ACSS2: variants seen among roughly 807,000 people sequenced by gnomAD.
ACSS2 encodes acyl-CoA synthetase short chain family member 2.
ACSS2 carries 58 observed loss-of-function variants against 90.6 expected under a neutral mutation model. The observed-to-expected ratio is 0.64, with a 90% CI of 0.52 to 0.80. The LOEUF is 0.80. Among genes scored for constraint, ACSS2 ranks in the 30% least tolerant of loss-of-function variants. The probability of loss-of-function intolerance (pLI) is 0.00; values close to 1 mark genes in which losing one functional copy is unlikely to be tolerated. For synonymous variants in ACSS2, 300 were observed against 330.9 expected (o/e 0.91, Z 1.01); for missense variants, 759 against 912.0 (o/e 0.83, Z 2.16).
intron 7 of ACSS2, chr20:34,915,218 G>A (rs772002101): frequency 1.2e-6 from 2 of 1,613,854 alleles, no homozygotes; most frequent in Non-Finnish European, 1.7e-6. Context: ...CTCTTAACAG[G>A]GTAAACTGAA....
At chr20:34,923,507 GTGTGTTGC>G (rs1385144555) in intron 14 of ACSS2, 76 bp downstream of exon 14, 51 of 1,061,892 alleles carry the variant, frequency 4.8e-5, no homozygotes, top group Admixed American at 1.1e-4. Context: ...GGAAGAGTTG[GTGTGTTGC>G]TATAAAATAA....
chr20:34,885,072 C>T (rs1336635596), intron 2 of ACSS2, among the ~76,000 whole-genome samples: 2 of 151,822 alleles, frequency 1.3e-5, no homozygotes, highest in African/African-American at 2.4e-5. Flanking sequence ...TGGTGGTGCA[C>T]GCCTGTAGTC....
chr20:34,918,956 C>T (rs1364814277), intron 7 of ACSS2, among the ~76,000 whole-genome samples: 1 of 152,160 alleles, frequency 6.6e-6, no homozygotes, highest in Non-Finnish European at 1.5e-5. Context: ...AGACATTTCA[C>T]CTCCTTCATA....
intron 2 of ACSS2, among the ~76,000 whole-genome samples, chr20:34,908,243 A>C (rs1440429563): frequency 6.6e-6 from 1 of 152,160 alleles, no homozygotes; most frequent in African/African-American, 2.4e-5. Flanking sequence ...TGCCAAGGGA[A>C]ACCAGGGATC....
chr20:34,876,710 C>A lies in ACSS2; in HGVS notation c.65C>A (p.Ala22Asp). The A allele has an allele frequency of 6.9e-7, 1 of 1,443,096 alleles. No individual in the cohort carries two copies. The highest frequency in any genetic ancestry group is 9.2e-7 in the Non-Finnish European group (1 of 1,090,152). The allele number at this position is 1,443,096 out of a possible 1,614,324, so 89.4% of individuals were successfully genotyped here. A position where few individuals can be genotyped will look rare whatever the true frequency, so the allele number is the denominator to read the frequency against. The change falls in exon 1 of 18, where the codon GCC becomes GAC. Residue 22 changes from alanine (A) to aspartate (D), a missense_variant. Physicochemically the swap from Ala to Asp is moderately radical, Grantham distance 126. Transcript: ENST00000360596. ...AGCCGGGGCCAGGAGGAAGCTGGAGCCGGAGGCCGGGCGCGGAGTTGGTCT... is the reference window on the plus strand; with the variant it reads ...AGCCGGGGCCAGGAGGAAGCTGGAGACGGAGGCCGGGCGCGGAGTTGGTCT... ...SGSRGQEEAG[A>D]GGRARSWSPP...
chr20:34,926,760 C>A, intron 16 of ACSS2, 117 bp from the exon 17 acceptor site: 1 of 946,584 alleles, frequency 1.1e-6, no homozygotes, highest in Non-Finnish European at 1.7e-6. Context: ...CTGAGGCTGT[C>A]TCTGTGGGCA....
chr20:34,901,092 G>T (rs1185038067), intron 2 of ACSS2, among the ~76,000 whole-genome samples: 1 of 152,090 alleles, frequency 6.6e-6, no homozygotes, highest in African/African-American at 2.4e-5. Flanking sequence ...GCTATATGTG[G>T]CTAGTGACTA....
At chr20:34,926,315 C>T in intron 16 of ACSS2, 34 bp downstream of exon 16, 1 of 1,604,106 alleles carries the variant, frequency 6.2e-7, no homozygotes, top group South Asian at 1.1e-5. Context: ...ACTATAGGGT[C>T]TGTCTTGGAG....
intron 1 of ACSS2, among the ~76,000 whole-genome samples, chr20:34,878,521 A>G (rs919453548): frequency 3.3e-5 from 5 of 152,252 alleles, no homozygotes; most frequent in African/African-American, 1.2e-4. Context: ...AATAAATAGT[A>G]GTTAGTCTGA....
chr20:34,923,766 G>GC (rs1600362503), intron 14 of ACSS2, among the ~76,000 whole-genome samples: 1 of 151,938 alleles, frequency 6.6e-6, no homozygotes, highest in African/African-American at 2.4e-5. Flanking sequence ...TAGAGTTACT[G>GC]CAAGTACAGC....
At position 34,920,725 on chromosome 20, in the gene ACSS2, C is replaced by T. The variant is rs1344382130; in HGVS notation, c.1143+16C>T. On this transcript the variant is annotated intron_variant, in intron 9 of 17. Coordinates refer to ENST00000360596, the MANE Select transcript of ACSS2 (RefSeq NM_018677.4). ...CAGTGTTTTGGTGAGAAGGGAGCCA[C>T]CTGGCCTAGCTGGGGGATGGACAAG... 6 of 1,601,854 alleles carry T rather than the reference C, an allele frequency of 3.7e-6. No individual in the cohort carries two copies. Among genetic ancestry groups the T allele is most frequent in the Non-Finnish European group, 5.1e-6 (6 of 1,173,062 alleles).
At position 34,891,331 on chromosome 20, in the gene ACSS2, C is replaced by T. The variant is rs138278610; in HGVS notation, c.374+8342C>T. 1.2e-4 allele frequency among the ~76,000 whole-genome samples: 18 copies of T among 152,294 alleles called. No homozygotes were observed. In the East Asian group the frequency reaches 2.9e-3, roughly 25 times the overall value. ...TACAGATACTCTGCAAGGTCCCTTT[C>T]ATCTCTAATCTTCCAGAATTCTATG... On this transcript the variant is annotated intron_variant, in intron 2 of 17. Transcript: ENST00000360596.
chr20:34,889,373 C>T (rs1395954084), intron 2 of ACSS2, among the ~76,000 whole-genome samples: 5 of 119,592 alleles, frequency 4.2e-5, no homozygotes, highest in African/African-American at 8.5e-5. Context: ...CCACTCTCCT[C>T]GGCCTCCCAA....
chr20:34,916,150 A>T (rs143078264), intron 7 of ACSS2, among the ~76,000 whole-genome samples: 1 of 152,264 alleles, frequency 6.6e-6, no homozygotes, highest in African/African-American at 2.4e-5. Flanking sequence ...GACAGATCTG[A>T]TTCCTAGGGC....
rs780140788 is a variant in ACSS2, at chr20:34,914,408, C to G, written c.805C>G (p.Pro269Ala). ...GGGTGACTCCACCAGCCAGTCCCCC[C>G]CAATTAAGAGGTCATGCCCAGATGT... ...GMGDSTSQSP[P>A]IKRSCPDVQI... The change falls in exon 7 of 18, where the codon CCA becomes GCA. Residue 269 changes from proline (P) to alanine (A), a missense_variant. Pro to Ala is a conservative substitution (Grantham distance 27, BLOSUM62 -1). Transcript: ENST00000360596. 2 of 1,613,770 alleles carry G rather than the reference C, an allele frequency of 1.2e-6. No homozygotes were observed. Among genetic ancestry groups the G allele is most frequent in the African/African-American group, 1.3e-5 (1 of 74,924 alleles).
In ACSS2 at chr20:34,894,296, C is replaced by T. The variant is rs577681705; in HGVS notation, c.374+11307C>T. Among the ~76,000 whole-genome samples, 24 of 152,034 alleles carry T rather than the reference C, an allele frequency of 1.6e-4. No homozygotes were observed. In the East Asian group the frequency reaches 4.6e-3, roughly 29 times the overall value. ...CTGAACTCAGGAGTTTGAGATCAGC[C>T]TGGGCAACACAGGTAGACCCCATCT... On this transcript the variant is annotated intron_variant, in intron 2 of 17. Transcript: ENST00000360596.
chr20:34,891,982 G>A (rs138044054), intron 2 of ACSS2, among the ~76,000 whole-genome samples: 1 of 152,304 alleles, frequency 6.6e-6, no homozygotes, highest in East Asian at 1.9e-4. Context: ...ATACTGGCAT[G>A]TTCAGTAAAC....
intron 2 of ACSS2, among the ~76,000 whole-genome samples, chr20:34,890,953 A>G (rs888726159): frequency 1.3e-5 from 2 of 151,596 alleles, no homozygotes; most frequent in African/African-American, 2.4e-5. Flanking sequence ...AGGCCAAAAA[A>G]AAAAAAAAAA....
intron 8 of ACSS2, among the ~76,000 whole-genome samples, chr20:34,920,079 G>T (rs750065187): frequency 1.3e-5 from 2 of 152,200 alleles, no homozygotes; most frequent in Non-Finnish European, 2.9e-5. Flanking sequence ...ATCTCCATAT[G>T]CTTTGGAATA....
Sources: gnomAD v4.1 joint callset for allele counts (sites outside exome capture counted in the v4.1 genomes callset) on GRCh38, gnomAD v4.1.1 for gene constraint, MANE v1.5 for transcripts, NCBI Gene and HGNC (gene_info 2026-07-23, HGNC 2026-07-21) for gene names.